Variants in SKAP1 observed in about 807,000 individuals in gnomAD.
SKAP1 encodes src kinase associated phosphoprotein 1.
A neutral mutation model predicts 58.5 loss-of-function variants in SKAP1; 44 were observed. That is an observed-to-expected ratio of 0.75 (90% CI 0.59 to 0.97). SKAP1 has a LOEUF of 0.97. Among genes scored for constraint, SKAP1 ranks in the 50% least tolerant of loss-of-function variants. The pLI is 0.00. For synonymous variants in SKAP1, 127 were observed against 149.7 expected, an observed-to-expected ratio of 0.85 and a Z score of 1.11; for missense variants, 390 against 435.2, an observed-to-expected ratio of 0.90 and a Z score of 0.92.
chr17:48,332,433 C>T (rs908181821), intron 4 of SKAP1, among the ~76,000 whole-genome samples: 4 of 152,120 alleles, frequency 2.6e-5, no homozygotes, highest in Non-Finnish European at 2.9e-5. Flanking sequence ...AAACTTTAGA[C>T]GATAACATAA....
At chr17:48,158,542 TG>T (rs1555594534) in intron 11 of SKAP1, among the ~76,000 whole-genome samples, 2 of 106,084 alleles carry the variant, frequency 1.9e-5, no homozygotes, top group East Asian at 3.1e-4. Context: ...CACTCCAGCC[TG>T]GGCCACAGAG....
chr17:48,389,427 C>G (rs1444809492), intron 2 of SKAP1, among the ~76,000 whole-genome samples: 1 of 152,216 alleles, frequency 6.6e-6, no homozygotes, highest in African/African-American at 2.4e-5. Flanking sequence ...TACATCACGC[C>G]TGGGGCGATA....
At chr17:48,371,654 C>CAAAAAAAAAAAAAAAAAAAAA (rs71141985) in intron 2 of SKAP1, among the ~76,000 whole-genome samples, 1 of 37,892 alleles carries the variant, frequency 2.6e-5, no homozygotes, top group African/African-American at 1.3e-4. Context: ...CTTGTCTCCA[C>CAAAAAAAAAAAAAAAAAAAAA]AAAAAAAAAA....
At chr17:48,143,451 A>AT (rs1199300849) in intron 11 of SKAP1, among the ~76,000 whole-genome samples, 3 of 151,730 alleles carry the variant, frequency 2.0e-5, no homozygotes, top group Non-Finnish European at 2.9e-5. Flanking sequence ...AGCTCAAGTG[A>AT]TCCCCCAGCT....
chr17:48,330,591 A>G (rs2066492400), intron 4 of SKAP1, among the ~76,000 whole-genome samples: 1 of 152,216 alleles, frequency 6.6e-6, no homozygotes, highest in African/African-American at 2.4e-5. Flanking sequence ...GCATTCTGCA[A>G]CCCGCCCTCT....
chr17:48,284,627 C>T lies in SKAP1; in HGVS notation c.280+61278G>A, dbSNP rs187976633. On this transcript the variant is annotated intron_variant, in intron 4 of 12. Transcript: ENST00000336915. ...AAAATACACTTATATTCAATATATC[C>T]CTTTTTTATAAGTAACGCAGGGATC... Among the ~76,000 whole-genome samples the T allele has an allele frequency of 3.2e-3, 485 of 152,250 alleles. 3 individuals are homozygous for T. Among genetic ancestry groups the T allele is most frequent in the African/African-American group, 0.011 (462 of 41,548 alleles).
At chr17:48,258,725 G>A (rs2065453751) in intron 4 of SKAP1, among the ~76,000 whole-genome samples, 1 of 152,102 alleles carries the variant, frequency 6.6e-6, no homozygotes, top group African/African-American at 2.4e-5. Context: ...CTTCAGACAA[G>A]CATTCTACAG....
At chr17:48,388,536 T>G (rs1176818917) in intron 2 of SKAP1, among the ~76,000 whole-genome samples, 1 of 152,208 alleles carries the variant, frequency 6.6e-6, no homozygotes, top group Non-Finnish European at 1.5e-5. Context: ...ACCCACAATC[T>G]AGTGGATATA....
At chr17:48,367,071 C>T (rs993053035) in intron 2 of SKAP1, among the ~76,000 whole-genome samples, 3 of 152,206 alleles carry the variant, frequency 2.0e-5, no homozygotes, top group African/African-American at 7.2e-5. Context: ...CCAACTAACA[C>T]AGATTTTCAG....
rs575274046 is a variant in SKAP1, at chr17:48,190,804, T to A, written c.281-1304A>T. ...TTTGAGACCAGCCTGGCCAACATGG[T>A]GAAACCTCATCTCTACTAAAGATAC... On this transcript the variant is annotated intron_variant, in intron 4 of 12. Transcript: ENST00000336915. Among the ~76,000 whole-genome samples, 9 of 152,028 alleles carry A rather than the reference T, an allele frequency of 5.9e-5. No homozygotes were observed. In the South Asian group the frequency reaches 1.9e-3, roughly 32 times the overall value.
intron 11 of SKAP1, among the ~76,000 whole-genome samples, chr17:48,160,281 C>A (rs2143267700): frequency 6.6e-6 from 1 of 152,090 alleles, no homozygotes; most frequent in Non-Finnish European, 1.5e-5. Context: ...AAGCATGTAC[C>A]ACCACACCCA....
chr17:48,444,918 G>C, the SKAP1 span, among the ~76,000 whole-genome samples: 2 of 152,132 alleles, frequency 1.3e-5, no homozygotes, highest in South Asian at 4.1e-4. Flanking sequence ...AAGCTGTAGG[G>C]GCAGTAAGAT....
chr17:48,439,407 CTCTGCT>C, the SKAP1 span, among the ~76,000 whole-genome samples: 1 of 152,318 alleles, frequency 6.6e-6, no homozygotes, highest in Admixed American at 6.5e-5. Context: ...TCTAAACAGC[CTCTGCT>C]CTCAGCCTAT....
At position 48,167,385 on chromosome 17, in the gene SKAP1, C is replaced by T. The variant is rs147970018; in HGVS notation, c.877+3224G>A. ...TGATTTTCATGTCATTTCCTCTTTT[C>T]ATTGGGCCATAATTTTAGCTGGTTA... On this transcript the variant is annotated intron_variant, in intron 10 of 12. Coordinates refer to ENST00000336915, the MANE Select transcript of SKAP1 (RefSeq NM_003726.4). Among the ~76,000 whole-genome samples the T allele has an allele frequency of 5.5e-4, 84 of 152,232 alleles. No individual in the cohort carries two copies. The East Asian group carries it at 0.014, about 24-fold the overall frequency.
intron 9 of SKAP1, among the ~76,000 whole-genome samples, chr17:48,176,709 A>G (rs772543904): frequency 6.6e-6 from 1 of 152,236 alleles, no homozygotes. Context: ...CAAGGGGAGA[A>G]GAGTGCTAGC....
At chr17:48,404,157 C>T (rs1017439777) in intron 1 of SKAP1, among the ~76,000 whole-genome samples, 7 of 149,684 alleles carry the variant, frequency 4.7e-5, no homozygotes, top group Non-Finnish European at 5.9e-5. Context: ...ATATTAATAT[C>T]AAAAATAATT....
At chr17:48,391,747 C>G (rs951934785) in intron 2 of SKAP1, among the ~76,000 whole-genome samples, 3 of 147,914 alleles carry the variant, frequency 2.0e-5, no homozygotes, top group African/African-American at 7.5e-5. Flanking sequence ...CTTTTCAGAG[C>G]TATTTAAACT....
At chr17:48,182,210 A>G (rs906412992) in intron 8 of SKAP1, among the ~76,000 whole-genome samples, 184 bp downstream of exon 8, 7 of 152,274 alleles carry the variant, frequency 4.6e-5, no homozygotes, top group Admixed American at 2.6e-4. Flanking sequence ...CAAGGTTGAT[A>G]CTGTCTTTAT....
chr17:48,205,484 A>G (rs562395708), intron 4 of SKAP1, among the ~76,000 whole-genome samples: 2 of 152,286 alleles, frequency 1.3e-5, no homozygotes, highest in South Asian at 4.1e-4. Context: ...GAACACAGAA[A>G]CAGAGGGAAG....
Sources: gnomAD v4.1 joint callset for allele counts (sites outside exome capture counted in the v4.1 genomes callset) on GRCh38, gnomAD v4.1.1 for gene constraint, MANE v1.5 for transcripts, NCBI Gene and HGNC (gene_info 2026-07-23, HGNC 2026-07-21) for gene names.